Variants in ETFA observed in about 807,000 individuals in gnomAD.
ETFA encodes the protein electron transfer flavoprotein subunit alpha, also known as electron transfer flavoprotein subunit alpha, mitochondrial.
A neutral mutation model predicts 46.2 loss-of-function variants in ETFA; 22 were observed. The ratio of observed to expected loss-of-function variants is 0.48; its 90% CI spans 0.34 to 0.68. ETFA has a LOEUF of 0.68. Among genes scored for constraint, ETFA ranks in the 30% least tolerant of loss-of-function variants. ETFA has a pLI of 0.01. For missense variants in ETFA, 345 were observed against 401.1 expected (o/e 0.86, Z 1.19); for synonymous variants, 131 against 139.9 (o/e 0.94, Z 0.45).
chr15:76,278,864 C>T (rs908060746), intron 8 of ETFA, among the ~76,000 whole-genome samples: 2 of 152,194 alleles, frequency 1.3e-5, no homozygotes, highest in Non-Finnish European at 2.9e-5. Flanking sequence ...TCCAGTAATT[C>T]TGACTTCCCT....
At chr15:76,272,831 T>TATATATATGC (rs907119180) in intron 9 of ETFA, among the ~76,000 whole-genome samples, 4 of 149,368 alleles carry the variant, frequency 2.7e-5, no homozygotes, top group African/African-American at 7.4e-5. Context: ...TATATATATA[T>TATATATATGC]GCGCATGTGT....
chr15:76,285,414 T>C (rs2039696057), intron 7 of ETFA, among the ~76,000 whole-genome samples: 1 of 152,148 alleles, frequency 6.6e-6, no homozygotes, highest in Admixed American at 6.6e-5. Flanking sequence ...ATTTATACCA[T>C]GCTCCCCCTG....
At chr15:76,295,114 C>A (rs1482314047) in intron 2 of ETFA, among the ~76,000 whole-genome samples, 2 of 152,140 alleles carry the variant, frequency 1.3e-5, no homozygotes, top group Non-Finnish European at 2.9e-5. Context: ...ATAACAACAA[C>A]AACAACAACA....
At chr15:76,291,052 CA>C (rs1461463718) in intron 4 of ETFA, among the ~76,000 whole-genome samples, 1 of 152,052 alleles carries the variant, frequency 6.6e-6, no homozygotes, top group African/African-American at 2.4e-5. Context: ...TACATCGATA[CA>C]AAAAATTTGA....
intron 1 of ETFA, among the ~76,000 whole-genome samples, chr15:76,304,288 T>A (rs1036840819): frequency 2.4e-4 from 36 of 152,270 alleles, no homozygotes; most frequent in African/African-American, 7.7e-4. Flanking sequence ...TGGGCCTATT[T>A]GAGGGTGGAG....
At chr15:76,253,018 A>G (rs1159779128) in intron 9 of ETFA, among the ~76,000 whole-genome samples, 1 of 151,936 alleles carries the variant, frequency 6.6e-6, no homozygotes, top group Non-Finnish European at 1.5e-5. Flanking sequence ...GCCTCAAGCA[A>G]TCCTCCCACC....
chr15:76,217,693 C>T (rs2038911560), intron 11 of ETFA: 1 of 438,604 alleles, frequency 2.3e-6, no homozygotes, highest in Middle Eastern at 4.6e-4. Context: ...GGGAATGTCA[C>T]ACAGATACTC....
chr15:76,264,636 G>A (rs988777046), intron 9 of ETFA, among the ~76,000 whole-genome samples: 1 of 152,162 alleles, frequency 6.6e-6, no homozygotes, highest in African/African-American at 2.4e-5. Context: ...ATATGATAAT[G>A]CTAATGCAGA....
intron 9 of ETFA, chr15:76,260,225 T>C (rs1245152127): frequency 1.6e-6 from 2 of 1,278,532 alleles, no homozygotes; most frequent in African/African-American, 2.9e-5. Flanking sequence ...AGCTTTCCAA[T>C]GTGGCCTCGA....
chr15:76,242,504 ACATAGAACTAC>A (rs1214011686), intron 9 of ETFA, among the ~76,000 whole-genome samples: 7 of 152,348 alleles, frequency 4.6e-5, no homozygotes, highest in African/African-American at 1.4e-4. Context: ...AAAAAGTTAC[ACATAGAACTAC>A]CATATGTCTC....
intron 9 of ETFA, among the ~76,000 whole-genome samples, chr15:76,239,221 C>T (rs2039159131): frequency 6.6e-6 from 1 of 152,106 alleles, no homozygotes; most frequent in African/African-American, 2.4e-5. Context: ...TTATACACAC[C>T]TAGTAAAAGG....
chr15:76,270,172 G>A (rs1435436195), intron 9 of ETFA, among the ~76,000 whole-genome samples: 1 of 152,200 alleles, frequency 6.6e-6, no homozygotes, highest in Non-Finnish European at 1.5e-5. Context: ...CCCAGACAAA[G>A]ATGCCAGAGT....
chr15:76,218,809 C>T (rs956931855), intron 11 of ETFA, among the ~76,000 whole-genome samples: 1 of 152,164 alleles, frequency 6.6e-6, no homozygotes, highest in African/African-American at 2.4e-5. Flanking sequence ...GTATGTTTCA[C>T]TCATTCACTT....
chr15:76,220,288 G>C (rs150936717), intron 11 of ETFA, among the ~76,000 whole-genome samples: 2 of 152,162 alleles, frequency 1.3e-5, no homozygotes, highest in Non-Finnish European at 2.9e-5. Context: ...GGCTGGTCTC[G>C]AACTCGTGAC....
Position 76,295,726 on chromosome 15 carries a change from T to G in ETFA, c.51A>C (p.Leu17=). The G allele has an allele frequency of 6.2e-7, 1 of 1,609,778 alleles. No individual in the cohort carries two copies. Among genetic ancestry groups the G allele is most frequent in the Non-Finnish European group, 8.5e-7 (1 of 1,179,126 alleles). Residue 17 remains leucine, a synonymous_variant, in exon 2 of 12, where the codon CTA becomes CTC. Transcript: ENST00000557943. ...CTATTACCAGGGTACTCTGAAATCG[T>G]AGCAATGAGGCCTAAAAAGAGCAAA... ...PGQLRRAASL[L]RFQSTLVIAE... is the part of the protein sequence containing the mutation.
At chr15:76,226,126 A>T in intron 10 of ETFA, 197 bp from the exon 11 acceptor site, 1 of 567,248 alleles carries the variant, frequency 1.8e-6, no homozygotes, top group Non-Finnish European at 3.1e-6. Flanking sequence ...ACCCACATCT[A>T]GCCCATCTCA....
intron 9 of ETFA, chr15:76,260,980 C>T (rs1815826227): frequency 6.2e-7 from 1 of 1,610,026 alleles, no homozygotes; most frequent in South Asian, 1.1e-5. Context: ...ATCCAGGCCA[C>T]ACTAGTGTTG....
At chr15:76,259,837 C>T (rs2039386323) in intron 9 of ETFA, 1 of 1,540,518 alleles carries the variant, frequency 6.5e-7, no homozygotes, top group Admixed American at 1.7e-5. Flanking sequence ...AGGGGTTCTC[C>T]CCAAGCCAGG....
intron 4 of ETFA, among the ~76,000 whole-genome samples, chr15:76,290,408 A>G (rs2039750042): frequency 7.2e-6 from 1 of 138,016 alleles, no homozygotes; most frequent in African/African-American, 2.7e-5. Context: ...GCAGCAGTGT[A>G]ATCTCAGCTC....
Sources: allele counts gnomAD v4.1 joint callset (sites outside exome capture counted in the v4.1 genomes callset), GRCh38; gene constraint gnomAD v4.1.1; transcripts MANE v1.5; gene names NCBI Gene and HGNC (gene_info 2026-07-23, HGNC 2026-07-21).